The following PTPRD variants were observed in gnomAD, a reference collection of about 807,000 sequenced individuals.
PTPRD encodes receptor-type tyrosine-protein phosphatase delta.
Under a neutral mutation model 214.5 loss-of-function variants are expected in PTPRD, and 34 were observed. That is an observed-to-expected ratio of 0.16 (90% CI 0.12 to 0.21). The LOEUF (loss-of-function observed/expected upper bound fraction) is 0.21, where lower values mean the gene tolerates loss of function less well. Among genes scored for constraint, PTPRD ranks in the 10% least tolerant of loss-of-function variants. The probability of loss-of-function intolerance (pLI) is 1.00; values close to 1 mark genes in which losing one functional copy is unlikely to be tolerated. For synonymous variants in PTPRD, 1,128 were observed against 845.7 expected (o/e 1.33, Z -5.79); for missense variants, 2,545 against 2,398.7 (o/e 1.06, Z -1.27).
At chr9:10,016,394 T>TAGAC (rs147586683) in intron 4 of PTPRD, among the ~76,000 whole-genome samples, 10 of 24,644 alleles carry the variant, frequency 4.1e-4, no homozygotes, top group Non-Finnish European at 9.7e-4. Flanking sequence ...GATAGATAGA[T>TAGAC]AGACAGATAG....
chr9:9,796,309 G>A (rs1334576939), intron 5 of PTPRD, among the ~76,000 whole-genome samples: 1 of 152,218 alleles, frequency 6.6e-6, no homozygotes, highest in Middle Eastern at 3.4e-3. Context: ...ATTCCATGGT[G>A]CCTATCATGG....
intron 35 of PTPRD, among the ~76,000 whole-genome samples, chr9:8,430,213 C>G (rs1408555186): frequency 6.6e-6 from 1 of 152,048 alleles, no homozygotes; most frequent in African/African-American, 2.4e-5. Flanking sequence ...TACATTTTCT[C>G]TAACTTTATA....
chr9:10,502,477 A>C (rs1023364057), intron 2 of PTPRD, among the ~76,000 whole-genome samples: 1 of 152,006 alleles, frequency 6.6e-6, no homozygotes, highest in Admixed American at 6.6e-5. Flanking sequence ...TAAGGTAAAA[A>C]AGTTGACTCC....
At chr9:9,594,041 T>A (rs976302012) in intron 7 of PTPRD, among the ~76,000 whole-genome samples, 1 of 152,070 alleles carries the variant, frequency 6.6e-6, no homozygotes, top group Admixed American at 6.6e-5. Context: ...CGATAGTTAA[T>A]GAGGCAGTGA....
chr9:9,818,725 G>A (rs1295548217), intron 5 of PTPRD, among the ~76,000 whole-genome samples: 1 of 151,924 alleles, frequency 6.6e-6, no homozygotes, highest in Non-Finnish European at 1.5e-5. Context: ...AAGTCACCCT[G>A]GCTGACATGG....
chr9:9,723,334 T>C (rs977320045), intron 7 of PTPRD, among the ~76,000 whole-genome samples: 2 of 152,114 alleles, frequency 1.3e-5, no homozygotes, highest in African/African-American at 4.8e-5. Context: ...CATAAACTTA[T>C]GGCTTTATTT....
At position 9,845,054 on chromosome 9, in the gene PTPRD, A is replaced by ATG. The variant is rs71485306; in HGVS notation, c.-367-78204_-367-78203insCA. Among the ~76,000 whole-genome samples, 2 of 49,724 alleles carry ATG rather than the reference A, an allele frequency of 4.0e-5. 1 individual carries two copies. The highest frequency in any genetic ancestry group is 8.9e-5 in the Non-Finnish European group (2 of 22,452). The allele number at this position is 49,724 out of a possible 152,430, so 32.6% of individuals were successfully genotyped here. ...CTGCTATATATATATAGCTATATAT[A>ATG]GAGCAATATATATATATATATTGCT... On this transcript the variant is annotated intron_variant, in intron 5 of 45. Coordinates refer to ENST00000381196, the MANE Select transcript of PTPRD (RefSeq NM_002839.4).
intron 10 of PTPRD, among the ~76,000 whole-genome samples, chr9:9,057,962 C>T (rs79983507): frequency 0.034 from 5,187 of 152,186 alleles, 137 homozygotes; most frequent in Non-Finnish European, 0.053. Context: ...ACAGCTTTTA[C>T]TATTCACACC....
chr9:10,310,047 G>C (rs1364545079), intron 3 of PTPRD, among the ~76,000 whole-genome samples: 8 of 151,980 alleles, frequency 5.3e-5, no homozygotes, highest in Non-Finnish European at 8.8e-5. Flanking sequence ...TCAAAGCTGG[G>C]AACTCTTCCT....
intron 12 of PTPRD, among the ~76,000 whole-genome samples, chr9:8,656,652 G>T (rs1298302287): frequency 6.6e-6 from 1 of 152,162 alleles, no homozygotes; most frequent in African/African-American, 2.4e-5. Context: ...GAAAGCTACA[G>T]GAAATTTTGC....
chr9:9,911,533 A>T (rs1461878729), intron 5 of PTPRD, among the ~76,000 whole-genome samples: 1 of 152,132 alleles, frequency 6.6e-6, no homozygotes, highest in African/African-American at 2.4e-5. Context: ...TACTGCTAAA[A>T]TAAAATGCAG....
intron 9 of PTPRD, among the ~76,000 whole-genome samples, chr9:9,298,221 T>C (rs1022441047): frequency 6.6e-6 from 1 of 151,622 alleles, no homozygotes; most frequent in Non-Finnish European, 1.5e-5. Context: ...AGAAATAGAA[T>C]TGAAAGAGAA....
chr9:9,817,251 A>C (rs1008023805), intron 5 of PTPRD, among the ~76,000 whole-genome samples: 4 of 152,146 alleles, frequency 2.6e-5, no homozygotes, highest in Admixed American at 2.0e-4. Context: ...AACTAACTAC[A>C]ACGATTAGGG....
In PTPRD at chr9:10,459,411, T is replaced by C. The variant is rs139169368; in HGVS notation, c.-599-118394A>G. On this transcript the variant is annotated intron_variant, in intron 2 of 45. Transcript: ENST00000381196. ...AATGATTTATAATCCTTTGGGTATA[T>C]ACCCAGTAATGGGATTGCTGGGTCA... 4.3e-3 allele frequency among the ~76,000 whole-genome samples: 660 copies of C among 152,306 alleles called. 5 individuals are homozygous for C. Among genetic ancestry groups the C allele is most frequent in the African/African-American group, 0.015 (622 of 41,564 alleles).
At chr9:10,302,502 G>C (rs1208848211) in intron 3 of PTPRD, among the ~76,000 whole-genome samples, 2 of 152,206 alleles carry the variant, frequency 1.3e-5, no homozygotes, top group African/African-American at 2.4e-5. Flanking sequence ...CCATTGGTGT[G>C]CTGTATTCGG....
chr9:9,890,815 C>A (rs1307595646), intron 5 of PTPRD, among the ~76,000 whole-genome samples: 2 of 152,066 alleles, frequency 1.3e-5, no homozygotes, highest in African/African-American at 4.8e-5. Flanking sequence ...TACTATGTCT[C>A]CAATGATGCC....
chr9:9,730,566 T>C (rs1204231288), intron 7 of PTPRD, among the ~76,000 whole-genome samples: 1 of 152,142 alleles, frequency 6.6e-6, no homozygotes, highest in Admixed American at 6.6e-5. Context: ...AAAATCTTGT[T>C]TTAACTATCT....
intron 8 of PTPRD, among the ~76,000 whole-genome samples, chr9:9,563,968 GA>G (rs569117166): frequency 6.6e-6 from 1 of 152,226 alleles, no homozygotes; most frequent in South Asian, 2.1e-4. Context: ...ACTTAAAGAG[GA>G]AGTAAAAGAC....
chr9:10,377,825 G>A (rs1194221744), intron 2 of PTPRD, among the ~76,000 whole-genome samples: 1 of 152,050 alleles, frequency 6.6e-6, no homozygotes, highest in African/African-American at 2.4e-5. Context: ...GGGCACTTAG[G>A]TTGTTTTCAA....
Sources: gnomAD v4.1 joint callset for allele counts (sites outside exome capture counted in the v4.1 genomes callset) on GRCh38, gnomAD v4.1.1 for gene constraint, MANE v1.5 for transcripts, NCBI Gene and HGNC (gene_info 2026-07-23, HGNC 2026-07-21) for gene names.